Variants in SIAE observed in about 807,000 individuals in gnomAD.
SIAE encodes sialic acid acetylesterase.
A neutral mutation model predicts 52.6 loss-of-function variants in SIAE; 39 were observed. That is an observed-to-expected ratio of 0.74 (90% CI 0.57 to 0.97). The LOEUF is 0.97. Among genes scored for constraint, SIAE ranks in the 50% least tolerant of loss-of-function variants. The pLI, the probability that SIAE is intolerant of heterozygous loss-of-function variation, is 0.00. For missense variants in SIAE, 592 were observed against 662.1 expected, an observed-to-expected ratio of 0.89 and a Z score of 1.16; for synonymous variants, 233 against 241.4, an observed-to-expected ratio of 0.97 and a Z score of 0.32.
upstream of SIAE, chr11:124,674,895 T>A (rs2044415941): frequency 1.9e-5 from 3 of 157,284 alleles, no homozygotes; most frequent in Admixed American, 6.5e-5. Context: ...TGAATTTAAC[T>A]TTTTAGCAAT....
upstream of SIAE, chr11:124,675,993 T>A (rs1943458740): frequency 6.6e-6 from 1 of 152,350 alleles, no homozygotes; most frequent in African/African-American, 2.4e-5. Context: ...TTATATTCTT[T>A]ATGCTAAATT....
intron 3 of SIAE, among the ~76,000 whole-genome samples, chr11:124,657,839 A>G (rs144699150): frequency 7.0e-4 from 106 of 152,316 alleles, no homozygotes; most frequent in African/African-American, 2.4e-3. Flanking sequence ...GGATATGTGC[A>G]GCAAACTTAG....
chr11:124,636,979 G>A lies in SIAE; in HGVS notation c.1544C>T (p.Pro515Leu), dbSNP rs762731994. 22 of 1,614,138 alleles carry A rather than the reference G, an allele frequency of 1.4e-5. No homozygotes were observed. The South Asian group carries it at 2.4e-4, about 18-fold the overall frequency. The change falls in exon 10 of 10, where the codon CCT (proline) becomes CTT (leucine). Residue 515 changes from proline (P) to leucine (L), a missense_variant. Coordinates refer to ENST00000263593, the MANE Select transcript of SIAE (RefSeq NM_170601.5). ...PFIAFITDQG[P>L]GHQSNVAK Reference sequence around the variant, plus strand: ...TTTAGCAACATTGCTCTGATGTCCAGGACCCTGGTCTGTAATGAAAGCAAT... The same window carrying A: ...TTTAGCAACATTGCTCTGATGTCCAAGACCCTGGTCTGTAATGAAAGCAAT...
Position 124,636,689 on chromosome 11 carries a change from G to T in SIAE, c.*262C>A. 1.9e-6 allele frequency: 1 copy of T among 516,764 alleles called. No homozygotes were observed. The highest frequency in any genetic ancestry group is 3.5e-6 in the Non-Finnish European group (1 of 287,478). The allele number at this position is 516,764 out of a possible 1,614,324, so 32.0% of individuals were successfully genotyped here. On this transcript the variant is annotated 3_prime_UTR_variant, in exon 10 of 10. Transcript: ENST00000263593. ...TCCCATTAATATGAGGGAAGTAAAT[G>T]ACATTGAGGTCCAATTTGTCTGTAG...
chr11:124,653,522 G>T (rs966048295), intron 4 of SIAE, among the ~76,000 whole-genome samples: 1 of 152,110 alleles, frequency 6.6e-6, no homozygotes, highest in African/African-American at 2.4e-5. Context: ...TTCTAAAGGG[G>T]GTGGTCCGCA....
chr11:124,643,545 T>C (rs2134358464), intron 7 of SIAE, among the ~76,000 whole-genome samples: 1 of 152,310 alleles, frequency 6.6e-6, no homozygotes, highest in African/African-American at 2.4e-5. Flanking sequence ...AGTGGTCAGA[T>C]TCTGAATGCA....
upstream of SIAE, chr11:124,675,112 TTG>T (rs1168871574): frequency 2.2e-6 from 2 of 906,216 alleles, no homozygotes; most frequent in African/African-American, 3.4e-5. Context: ...TGGGCTTGGG[TTG>T]TGTTAGGGAA....
Position 124,636,691 on chromosome 11 carries a change from C to T in SIAE, c.*260G>A, listed in dbSNP as rs1942748477. On this transcript the variant is annotated 3_prime_UTR_variant, in exon 10 of 10. Transcript: ENST00000263593. The stretch of plus-strand genomic sequence containing the variant: ...CCATTAATATGAGGGAAGTAAATGA[C>T]ATTGAGGTCCAATTTGTCTGTAGTT... 3.8e-6 allele frequency: 2 copies of T among 523,286 alleles called. No individual in the cohort carries two copies. Among genetic ancestry groups the T allele is most frequent in the Admixed American group, 6.3e-5 (2 of 31,608 alleles). 32.4% of individuals were successfully genotyped at this position (523,286 alleles called of 1,614,324 possible).
At chr11:124,672,102 G>A (rs1004753471) in intron 1 of SIAE, among the ~76,000 whole-genome samples, 14 of 152,018 alleles carry the variant, frequency 9.2e-5, no homozygotes, top group Non-Finnish European at 1.0e-4. Flanking sequence ...TAGTAGAGAC[G>A]GGGTTTCGCC....
intron 2 of SIAE, among the ~76,000 whole-genome samples, chr11:124,665,955 G>C (rs1373694858): frequency 6.6e-6 from 1 of 152,098 alleles, no homozygotes; most frequent in African/African-American, 2.4e-5. Context: ...CAAAAATATA[G>C]ACAGACACAC....
Position 124,636,367 on chromosome 11 carries a change from T to C in SIAE, c.*584A>G, listed in dbSNP as rs1447901598. On this transcript the variant is annotated 3_prime_UTR_variant, in exon 10 of 10. Coordinates refer to ENST00000263593, the MANE Select transcript of SIAE (RefSeq NM_170601.5). Reference sequence around the variant, plus strand: ...TAAAGTTTCACGGGAGAAAGAAAGATTTCGGTTCCACATAAGGAAAAACTT... The same window carrying C: ...TAAAGTTTCACGGGAGAAAGAAAGACTTCGGTTCCACATAAGGAAAAACTT... The C allele has an allele frequency of 1.9e-5, 3 of 156,940 alleles. No homozygotes were observed. Among genetic ancestry groups the C allele is most frequent in the Non-Finnish European group, 4.2e-5 (3 of 70,600 alleles). 9.7% of individuals were successfully genotyped at this position (156,940 alleles called of 1,614,324 possible).
chr11:124,650,144 G>C (rs1318411414), intron 4 of SIAE, among the ~76,000 whole-genome samples: 1 of 152,198 alleles, frequency 6.6e-6, no homozygotes, highest in African/African-American at 2.4e-5. Flanking sequence ...CTGCCTGGGA[G>C]AGAGGCAGAT....
intron 3 of SIAE, 138 bp downstream of exon 3, chr11:124,660,490 A>G (rs1314113047): frequency 1.2e-6 from 1 of 810,610 alleles, no homozygotes; most frequent in Non-Finnish European, 2.1e-6. Context: ...ATTCATTCAA[A>G]GCATTTAGAA....
intron 1 of SIAE, among the ~76,000 whole-genome samples, chr11:124,672,408 T>C (rs1943378706): frequency 2.0e-5 from 3 of 152,174 alleles, no homozygotes; most frequent in Admixed American, 2.0e-4. Flanking sequence ...GTTCATTTTA[T>C]TGTGTCATTG....
intron 7 of SIAE, among the ~76,000 whole-genome samples, chr11:124,641,702 T>C (rs746253298): frequency 5.9e-5 from 9 of 152,268 alleles, no homozygotes; most frequent in Non-Finnish European, 1.3e-4. Context: ...CTCACGCTTA[T>C]AATCCCAGCA....
chr11:124,655,736 A>G (rs1452068321), intron 3 of SIAE, among the ~76,000 whole-genome samples: 1 of 152,210 alleles, frequency 6.6e-6, no homozygotes, highest in East Asian at 1.9e-4. Context: ...ACCCCAGCAC[A>G]TCAAAATCTG....
rs562220564 is a variant in SIAE at position 124,649,545 on chromosome 11, A to G, written c.722+74T>C. 4.6e-6 allele frequency: 7 copies of G among 1,524,710 alleles called. No homozygotes were observed. The East Asian group carries it at 1.6e-4, about 34-fold the overall frequency. The allele number at this position is 1,524,710 out of a possible 1,614,324, so 94.4% of individuals were successfully genotyped here. A position where few individuals can be genotyped will look rare whatever the true frequency, so the allele number is the denominator to read the frequency against. ...ACATTCACCATATACTTAACTCCCC[A>G]CAGAGGACGATGACCCTCTCTCTTG... On this transcript the variant is annotated intron_variant, in intron 5 of 9. Coordinates refer to ENST00000263593, the MANE Select transcript of SIAE (RefSeq NM_170601.5).
Position 124,665,491 on chromosome 11 carries a change from G to T in SIAE, c.229+3869C>A, listed in dbSNP as rs374576423. The stretch of plus-strand genomic sequence containing the variant: ...GGTAACTCCCTACTCGCACCTCCAG[G>T]TGGGAACGCAGCCTGGCCTACACCT... On this transcript the variant is annotated intron_variant, in intron 2 of 9. Transcript: ENST00000263593. Among the ~76,000 whole-genome samples, 9 of 152,308 alleles carry T rather than the reference G, an allele frequency of 5.9e-5. No individual in the cohort carries two copies. In the East Asian group the frequency reaches 9.6e-4, roughly 16 times the overall value.
At chr11:124,655,189 T>TTTTTTTG (rs1324577651) in intron 3 of SIAE, among the ~76,000 whole-genome samples, 1 of 150,370 alleles carries the variant, frequency 6.7e-6, no homozygotes, top group African/African-American at 2.5e-5. Flanking sequence ...TTTTTTTTTT[T>TTTTTTTG]TGTGTGTGAG....
Sources: gnomAD v4.1 joint callset for allele counts (sites outside exome capture counted in the v4.1 genomes callset) on GRCh38, gnomAD v4.1.1 for gene constraint, MANE v1.5 for transcripts, NCBI Gene and HGNC (gene_info 2026-07-23, HGNC 2026-07-21) for gene names.